RBFOX1: variants seen among roughly 807,000 people sequenced by gnomAD.
RBFOX1 encodes the protein RNA binding protein fox-1 homolog 1.
Under a neutral mutation model 57.7 loss-of-function variants are expected in RBFOX1, and 8 were observed. The ratio of observed to expected loss-of-function variants is 0.14; its 90% confidence interval spans 0.08 to 0.25. The LOEUF is 0.25. RBFOX1 is among the 10% of genes least tolerant of loss of function. The pLI is 1.00. For synonymous variants in RBFOX1, 326 were observed against 222.4 expected, an observed-to-expected ratio of 1.47 and a Z score of -4.15; for missense variants, 611 against 548.5, an observed-to-expected ratio of 1.11 and a Z score of -1.14.
In RBFOX1 at chr16:6,084,683, C is replaced by G. The variant is rs541576242; in HGVS notation, c.-127+64691C>G. Among the ~76,000 whole-genome samples, 7 of 152,284 alleles carry G rather than the reference C, an allele frequency of 4.6e-5. No individual in the cohort carries two copies. The South Asian group carries it at 1.5e-3, about 32-fold the overall frequency. ...TCTCTCTCTCGTTTTCTATGATGCT[C>G]TATCGGGATTCCTTGGTTAGGAGAT... On this transcript the variant is annotated intron_variant, in intron 1 of 15. Transcript: ENST00000550418.
At chr16:6,950,240 G>A (rs2080435406) in intron 3 of RBFOX1, among the ~76,000 whole-genome samples, 1 of 151,402 alleles carries the variant, frequency 6.6e-6, no homozygotes, top group Non-Finnish European at 1.5e-5. Context: ...TTACAGGCAT[G>A]AGCCACCATG....
Position 5,969,965 on chromosome 16 carries a change from G to T in RBFOX1, c.351+102630G>T, listed in dbSNP as rs79043897. On this transcript the variant is annotated intron_variant, in intron 4 of 19. Transcript: ENST00000641259. ...GGGAGTTGACCACATCTGTTGCTTC[G>T]CAGCTCACTGGGGATACGTTGTGTT... 3.3e-4 allele frequency among the ~76,000 whole-genome samples: 50 copies of T among 152,176 alleles called. No individual in the cohort carries two copies. The Middle Eastern group carries it at 0.01, about 31-fold the overall frequency.
intron 4 of RBFOX1, among the ~76,000 whole-genome samples, chr16:5,871,415 A>C (rs2057467077): frequency 6.6e-6 from 1 of 152,242 alleles, no homozygotes; most frequent in South Asian, 2.1e-4. Context: ...ACATATTTGC[A>C]CATTAATTGG....
chr16:6,676,432 C>T (rs909721229), intron 3 of RBFOX1, among the ~76,000 whole-genome samples: 1 of 151,988 alleles, frequency 6.6e-6, no homozygotes, highest in East Asian at 1.9e-4. Context: ...ATAAAGGTGC[C>T]AGGAAGGCAG....
intron 3 of RBFOX1, among the ~76,000 whole-genome samples, chr16:6,908,898 C>G (rs898095115): frequency 2.6e-5 from 4 of 152,128 alleles, no homozygotes; most frequent in Non-Finnish European, 5.9e-5. Context: ...TAGGCACATC[C>G]TAAGCATTCA....
chr16:5,597,395 CTTTTT>C (rs35058375), intron 2 of RBFOX1, among the ~76,000 whole-genome samples: 2 of 114,368 alleles, frequency 1.7e-5, no homozygotes, highest in East Asian at 2.6e-4. Flanking sequence ...AGCTTGCTGA[CTTTTT>C]TTTTTTTTTT....
chr16:7,498,364 A>T (rs957677312), intron 4 of RBFOX1, among the ~76,000 whole-genome samples: 1 of 152,138 alleles, frequency 6.6e-6, no homozygotes, highest in Admixed American at 6.6e-5. Context: ...CTCAGCCTCT[A>T]TGACACCTGA....
intron 5 of RBFOX1, among the ~76,000 whole-genome samples, chr16:7,578,718 A>G (rs910801653): frequency 4.6e-5 from 7 of 152,192 alleles, no homozygotes; most frequent in African/African-American, 1.7e-4. Context: ...CATAGTTTCA[A>G]AGTTGGTATC....
At chr16:7,434,117 G>A (rs1045452324) in intron 4 of RBFOX1, among the ~76,000 whole-genome samples, 2 of 152,082 alleles carry the variant, frequency 1.3e-5, no homozygotes, top group East Asian at 1.9e-4. Flanking sequence ...TGGAGAGCAC[G>A]GAGTAAAGTT....
intron 4 of RBFOX1, among the ~76,000 whole-genome samples, chr16:5,977,288 G>A (rs541871871): frequency 4.1e-4 from 63 of 152,254 alleles, no homozygotes; most frequent in African/African-American, 1.4e-3. Context: ...GAGGAGGTGT[G>A]TATCTTGGGA....
chr16:6,763,598 C>T (rs768460972), intron 3 of RBFOX1, among the ~76,000 whole-genome samples: 1 of 152,192 alleles, frequency 6.6e-6, no homozygotes, highest in Non-Finnish European at 1.5e-5. Flanking sequence ...TAATCATCAA[C>T]AACCACTTGC....
At chr16:7,443,713 CAT>C (rs766451311) in intron 4 of RBFOX1, among the ~76,000 whole-genome samples, 2 of 152,176 alleles carry the variant, frequency 1.3e-5, no homozygotes, top group South Asian at 2.1e-4. Context: ...AATCATTTCA[CAT>C]GTGTTGTCTT....
chr16:6,554,869 C>G (rs939356892), intron 2 of RBFOX1, among the ~76,000 whole-genome samples: 12 of 148,166 alleles, frequency 8.1e-5, no homozygotes, highest in African/African-American at 2.4e-4. Context: ...CGCTCTCTCT[C>G]TCACTCATGA....
At chr16:6,298,998 C>T (rs2078469610) in intron 1 of RBFOX1, among the ~76,000 whole-genome samples, 1 of 152,162 alleles carries the variant, frequency 6.6e-6, no homozygotes, top group Admixed American at 6.5e-5. Context: ...AGGATCTTGA[C>T]CCCTTTCCTC....
intron 4 of RBFOX1, among the ~76,000 whole-genome samples, chr16:7,086,361 C>G (rs928064681): frequency 2.0e-5 from 3 of 152,136 alleles, no homozygotes; most frequent in African/African-American, 7.2e-5. Context: ...ATTTCCCCCT[C>G]TCCCCTTCTG....
chr16:5,471,848 G>A (rs2069147243), intron 2 of RBFOX1, among the ~76,000 whole-genome samples: 1 of 152,174 alleles, frequency 6.6e-6, no homozygotes, highest in Non-Finnish European at 1.5e-5. Flanking sequence ...CTAGACCAAG[G>A]AGAAGATTTA....
At chr16:7,234,087 G>A (rs191174297) in intron 4 of RBFOX1, among the ~76,000 whole-genome samples, 1 of 152,280 alleles carries the variant, frequency 6.6e-6, no homozygotes, top group Non-Finnish European at 1.5e-5. Context: ...TCACAAGAAT[G>A]CTTGGTCAAT....
intron 2 of RBFOX1, among the ~76,000 whole-genome samples, chr16:6,627,839 T>G (rs761707281): frequency 5.3e-5 from 8 of 152,106 alleles, no homozygotes; most frequent in Non-Finnish European, 1.2e-4. Flanking sequence ...TAAAATAAAG[T>G]GTGTCTCAGT....
At chr16:7,495,772 G>A (rs553948250) in intron 4 of RBFOX1, among the ~76,000 whole-genome samples, 10 of 152,174 alleles carry the variant, frequency 6.6e-5, no homozygotes, top group South Asian at 4.2e-4. Flanking sequence ...CTTGGGTAAC[G>A]GGTGCACCAA....
Sources: allele counts gnomAD v4.1 joint callset (sites outside exome capture counted in the v4.1 genomes callset), GRCh38; gene constraint gnomAD v4.1.1; transcripts MANE v1.5; gene names NCBI Gene and HGNC (gene_info 2026-07-23, HGNC 2026-07-21).